DACH2: variants seen among roughly 807,000 people sequenced by gnomAD.
DACH2 encodes the protein dachshund family transcription factor 2, also known as dachshund homolog 2.
DACH2 carries 17 observed loss-of-function variants against 35.8 expected under a neutral mutation model. The observed-to-expected ratio is 0.48, with a 90% CI of 0.33 to 0.71. The LOEUF (loss-of-function observed/expected upper bound fraction) is 0.71, where lower values mean the gene tolerates loss of function less well. DACH2 is among the 30% of genes least tolerant of loss of function. The probability of loss-of-function intolerance (pLI) is 0.02; values close to 1 mark genes in which losing one functional copy is unlikely to be tolerated. For synonymous variants in DACH2, 195 were observed against 177.3 expected (o/e 1.10, Z -0.79); for missense variants, 469 against 472.7 (o/e 0.99, Z 0.07).
intron 5 of DACH2, among the ~76,000 whole-genome samples, chrX:86,697,602 C>T (rs2041081745): frequency 9.1e-6 from 1 of 109,863 alleles, no homozygotes; most frequent in South Asian, 3.8e-4. Flanking sequence ...AACTAATATA[C>T]TAAGAGAATG....
chrX:86,479,653 A>G (rs767308855), intron 2 of DACH2, among the ~76,000 whole-genome samples: 2 of 111,538 alleles, frequency 1.8e-5, no homozygotes, highest in Admixed American at 1.9e-4. Context: ...GCAAGCTTCA[A>G]GTTTTAAAAT....
At chrX:86,650,050 G>A (rs1477240211) in intron 3 of DACH2, among the ~76,000 whole-genome samples, 2 of 110,394 alleles carry the variant, frequency 1.8e-5, no homozygotes, top group South Asian at 3.8e-4. Flanking sequence ...GGAGGACATC[G>A]TTGGAGTATG....
At chrX:86,615,480 GACTAATAAT>G (rs753022690) in intron 3 of DACH2, among the ~76,000 whole-genome samples, 3 of 111,211 alleles carry the variant, frequency 2.7e-5, no homozygotes, top group African/African-American at 9.8e-5. Flanking sequence ...CATAGTTCAC[GACTAATAAT>G]ACTAATAATA....
At chrX:86,486,322 C>T (rs1456652082) in intron 2 of DACH2, among the ~76,000 whole-genome samples, 1 of 111,392 alleles carries the variant, frequency 9.0e-6, no homozygotes, top group Non-Finnish European at 1.9e-5. Flanking sequence ...TAGTTTTCTT[C>T]TATCACAGTA....
intron 3 of DACH2, among the ~76,000 whole-genome samples, chrX:86,528,161 G>C (rs1239991408): frequency 3.6e-5 from 4 of 111,554 alleles, no homozygotes; most frequent in African/African-American, 1.3e-4. Context: ...CATAGAGAAA[G>C]TGGAAAGGTG....
rs1279911385 is a variant in DACH2, at chrX:86,785,034, T to A, written c.1241-27822T>A. Among the ~76,000 whole-genome samples, 9 of 110,980 alleles carry A rather than the reference T, an allele frequency of 8.1e-5. No homozygotes were observed. The East Asian group carries it at 2.3e-3, about 28-fold the overall frequency. ...AAAACTACATATCTGGTATTATGTT[T>A]ATCTAGTGAGGGGTGAAATCATCTG... is the stretch of plus-strand genomic sequence containing the variant. On this transcript the variant is annotated intron_variant, in intron 7 of 11. Coordinates refer to ENST00000373125, the MANE Select transcript of DACH2 (RefSeq NM_053281.3).
intron 2 of DACH2, among the ~76,000 whole-genome samples, chrX:86,493,552 A>G (rs929704808): frequency 3.6e-5 from 4 of 111,719 alleles, no homozygotes; most frequent in African/African-American, 1.3e-4. Context: ...CTCTGAAGGC[A>G]TATTTTCTCT....
intron 10 of DACH2, 127 bp downstream of exon 10, chrX:86,814,961 A>G: frequency 1.3e-6 from 1 of 754,626 alleles, no homozygotes; most frequent in Non-Finnish European, 1.9e-6. Flanking sequence ...ACACAGACAT[A>G]TTTTGTCCAG....
intron 1 of DACH2, among the ~76,000 whole-genome samples, chrX:86,327,825 C>G (rs2035142929): frequency 1.8e-5 from 2 of 111,585 alleles, no homozygotes; most frequent in South Asian, 3.7e-4. Flanking sequence ...GCATATCAAG[C>G]TTATTCTTGA....
chrX:86,194,698 G>T (rs748612197), intron 1 of DACH2, among the ~76,000 whole-genome samples: 13 of 112,790 alleles, frequency 1.2e-4, no homozygotes, highest in Admixed American at 2.8e-4. Context: ...TAGAGAAGTG[G>T]TAGGGGCAGC....
intron 3 of DACH2, among the ~76,000 whole-genome samples, chrX:86,630,234 G>A (rs1346805467): frequency 9.1e-6 from 1 of 109,895 alleles, no homozygotes; most frequent in Admixed American, 9.8e-5. Flanking sequence ...TGGAGTACCT[G>A]GGTTTAAACC....
intron 4 of DACH2, among the ~76,000 whole-genome samples, chrX:86,661,360 A>C (rs764391098): frequency 8.9e-6 from 1 of 112,487 alleles, no homozygotes; most frequent in Non-Finnish European, 1.9e-5. Flanking sequence ...CCTGGAAACC[A>C]CTAATCTACT....
intron 7 of DACH2, among the ~76,000 whole-genome samples, chrX:86,792,316 A>G (rs1440510199): frequency 2.7e-5 from 3 of 112,006 alleles, no homozygotes; most frequent in African/African-American, 9.7e-5. Context: ...TGAAATGATC[A>G]TGTCAGTGTA....
At chrX:86,440,037 A>T (rs1314320579) in intron 2 of DACH2, among the ~76,000 whole-genome samples, 1 of 111,264 alleles carries the variant, frequency 9.0e-6, no homozygotes, top group Non-Finnish European at 1.9e-5. Context: ...TATGGCCCAA[A>T]ATGTGATCTA....
At chrX:86,524,210 G>C (rs1188135127) in intron 3 of DACH2, among the ~76,000 whole-genome samples, 7 of 111,942 alleles carry the variant, frequency 6.3e-5, no homozygotes, top group African/African-American at 1.9e-4. Flanking sequence ...CCTGAGTTGT[G>C]AGCTAAGGAG....
intron 7 of DACH2, among the ~76,000 whole-genome samples, chrX:86,787,076 G>A (rs5967759): frequency 0.17 from 19,256 of 111,039 alleles, 1,353 homozygotes; most frequent in South Asian, 0.41. Context: ...ATGTGGAACT[G>A]TAAGTCCATT....
chrX:86,368,306 C>T (rs929340582), intron 1 of DACH2, among the ~76,000 whole-genome samples: 4 of 111,202 alleles, frequency 3.6e-5, no homozygotes, highest in South Asian at 7.5e-4. Context: ...CTTTTTAGAT[C>T]GTAATATTCC....
intron 1 of DACH2, among the ~76,000 whole-genome samples, chrX:86,196,025 G>C (rs1420179704): frequency 8.9e-6 from 1 of 111,947 alleles, no homozygotes; most frequent in Non-Finnish European, 1.9e-5. Flanking sequence ...CAAAATGCCA[G>C]AGTGCCTTCT....
chrX:86,737,868 G>A (rs766296553), intron 6 of DACH2, among the ~76,000 whole-genome samples: 1 of 111,752 alleles, frequency 8.9e-6, no homozygotes, highest in Admixed American at 9.5e-5. Flanking sequence ...CCTAGGTAGT[G>A]AGTATAGTGT....
Sources: allele counts gnomAD v4.1 joint callset (sites outside exome capture counted in the v4.1 genomes callset), GRCh38; gene constraint gnomAD v4.1.1; transcripts MANE v1.5; gene names NCBI Gene and HGNC (gene_info 2026-07-23, HGNC 2026-07-21).